Variants in ST6GALNAC3 observed in about 807,000 individuals in gnomAD.
The protein encoded by ST6GALNAC3 is alpha-N-acetylgalactosaminide alpha-2,6-sialyltransferase 3.
Under a neutral mutation model 32.7 loss-of-function variants are expected in ST6GALNAC3, and 25 were observed. That is an observed-to-expected ratio of 0.76 (90% CI 0.56 to 1.07). The LOEUF (loss-of-function observed/expected upper bound fraction) is 1.07, where lower values mean the gene tolerates loss of function less well. Ranked by LOEUF, ST6GALNAC3 falls within the 50% of genes least tolerant of loss-of-function variation. The probability of loss-of-function intolerance (pLI) is 0.00; values close to 1 mark genes in which losing one functional copy is unlikely to be tolerated. For synonymous variants in ST6GALNAC3, 129 were observed against 133.1 expected (o/e 0.97, Z 0.21); for missense variants, 355 against 382.4 (o/e 0.93, Z 0.60).
At chr1:76,572,147 C>A (rs576453920) in intron 3 of ST6GALNAC3, among the ~76,000 whole-genome samples, 1 of 151,792 alleles carries the variant, frequency 6.6e-6, no homozygotes, top group South Asian at 2.1e-4. Context: ...TATTTTATGT[C>A]CAGGCAAATG....
At chr1:76,142,823 C>CT (rs71071986) in intron 1 of ST6GALNAC3, 8,052 of 358,200 alleles carry the variant, frequency 0.022, 7 homozygotes, top group South Asian at 0.031. Context: ...GAATGCCTGC[C>CT]TTTTTTTTTT....
Position 76,386,685 on chromosome 1 carries a change from C to T in ST6GALNAC3, c.214-25323C>T, listed in dbSNP as rs1652121134. On this transcript the variant is annotated intron_variant, in intron 2 of 4. Coordinates refer to ENST00000328299, the MANE Select transcript of ST6GALNAC3 (RefSeq NM_152996.4). ...TGTGGGTGTTAGAGTTAAACCTAGACCCCAACATTCCCTAGAGCCAGCCTT... is the reference window on the plus strand; with the variant it reads ...TGTGGGTGTTAGAGTTAAACCTAGATCCCAACATTCCCTAGAGCCAGCCTT... Among the ~76,000 whole-genome samples, 3 of 152,210 alleles carry T rather than the reference C, an allele frequency of 2.0e-5. No homozygotes were observed. The South Asian group carries it at 6.2e-4, about 32-fold the overall frequency.
chr1:76,092,343 T>C (rs1283662953), intron 1 of ST6GALNAC3, among the ~76,000 whole-genome samples: 1 of 152,234 alleles, frequency 6.6e-6, no homozygotes, highest in Admixed American at 6.5e-5. Flanking sequence ...AAGGACTTTG[T>C]GGCTAATCCC....
chr1:76,231,856 G>A (rs914256616), intron 1 of ST6GALNAC3, among the ~76,000 whole-genome samples: 1 of 152,196 alleles, frequency 6.6e-6, no homozygotes, highest in Non-Finnish European at 1.5e-5. Context: ...GATATTCCCA[G>A]AAGTGGAATT....
At chr1:76,467,643 A>C (rs1658727090) in intron 3 of ST6GALNAC3, among the ~76,000 whole-genome samples, 1 of 152,026 alleles carries the variant, frequency 6.6e-6, no homozygotes, top group Non-Finnish European at 1.5e-5. Flanking sequence ...TTGTAAACTT[A>C]TCAATAGTGG....
intron 3 of ST6GALNAC3, among the ~76,000 whole-genome samples, chr1:76,448,514 G>C (rs1023763861): frequency 2.0e-5 from 3 of 152,160 alleles, no homozygotes; most frequent in African/African-American, 7.2e-5. Context: ...AAATGATGTG[G>C]TTTGGCTCTG....
chr1:76,629,182 T>C lies in ST6GALNAC3; in HGVS notation c.*376T>C. 4 of 1,015,820 alleles carry C rather than the reference T, an allele frequency of 3.9e-6. No homozygotes were observed. Among genetic ancestry groups the C allele is most frequent in the Non-Finnish European group, 4.7e-6 (4 of 851,040 alleles). 62.9% of individuals were successfully genotyped at this position (1,015,820 alleles called of 1,614,324 possible). ...CAGAAGCCAAAAGAGTTTGGCTTCA[T>C]GAGGCAAGGTGATTGACTCAATGGC... On this transcript the variant is annotated 3_prime_UTR_variant, in exon 5 of 5. Transcript: ENST00000328299.
chr1:76,140,361 G>T (rs1189589463), intron 1 of ST6GALNAC3, among the ~76,000 whole-genome samples: 3 of 152,126 alleles, frequency 2.0e-5, no homozygotes, highest in African/African-American at 7.2e-5. Flanking sequence ...TCTTTTGCCA[G>T]GTAAGGGGCA....
chr1:76,408,764 T>G (rs1654012939), intron 2 of ST6GALNAC3, among the ~76,000 whole-genome samples: 1 of 152,134 alleles, frequency 6.6e-6, no homozygotes, highest in Non-Finnish European at 1.5e-5. Flanking sequence ...ACTTTCTTTT[T>G]CTTCTTTTTG....
At chr1:76,202,112 C>T (rs1253899205) in intron 1 of ST6GALNAC3, among the ~76,000 whole-genome samples, 1 of 151,952 alleles carries the variant, frequency 6.6e-6, no homozygotes. Context: ...TGGCTACAAT[C>T]GGAAGGGTGG....
chr1:76,522,397 C>A (rs1662601524), intron 3 of ST6GALNAC3, among the ~76,000 whole-genome samples: 1 of 151,744 alleles, frequency 6.6e-6, no homozygotes, highest in South Asian at 2.1e-4. Context: ...CAATTATTTT[C>A]TCTCTTTCTG....
chr1:76,541,641 C>T (rs977794334), intron 3 of ST6GALNAC3, among the ~76,000 whole-genome samples: 1 of 152,190 alleles, frequency 6.6e-6, no homozygotes, highest in African/African-American at 2.4e-5. Context: ...ACTTATTGCA[C>T]CCCACTATTC....
At chr1:76,230,251 T>C (rs538205763) in intron 1 of ST6GALNAC3, among the ~76,000 whole-genome samples, 1 of 152,336 alleles carries the variant, frequency 6.6e-6, no homozygotes, top group East Asian at 1.9e-4. Context: ...ACCAATTGCC[T>C]AAGAACAGTT....
intron 1 of ST6GALNAC3, among the ~76,000 whole-genome samples, chr1:76,131,616 G>A (rs1649615771): frequency 6.6e-6 from 1 of 152,194 alleles, no homozygotes; most frequent in Admixed American, 6.5e-5. Flanking sequence ...CCAGCCTCTG[G>A]GGCACGGAGG....
chr1:76,351,088 T>G (rs1648938650), intron 2 of ST6GALNAC3, among the ~76,000 whole-genome samples: 1 of 152,178 alleles, frequency 6.6e-6, no homozygotes, highest in South Asian at 2.1e-4. Flanking sequence ...ATTAATTTAC[T>G]AGAATTTCTT....
At chr1:76,532,716 G>T (rs1479978064) in intron 3 of ST6GALNAC3, among the ~76,000 whole-genome samples, 2 of 152,128 alleles carry the variant, frequency 1.3e-5, no homozygotes, top group African/African-American at 4.8e-5. Context: ...GGTTAGTTCA[G>T]TTGTTTCTTT....
intron 1 of ST6GALNAC3, among the ~76,000 whole-genome samples, chr1:76,211,163 C>T (rs553550182): frequency 1.3e-5 from 2 of 152,332 alleles, no homozygotes; most frequent in East Asian, 3.9e-4. Flanking sequence ...GACATTTATG[C>T]AGCCAAAAGA....
At chr1:76,099,672 G>T (rs184108477) in intron 1 of ST6GALNAC3, among the ~76,000 whole-genome samples, 291 of 152,338 alleles carry the variant, frequency 1.9e-3, no homozygotes, top group African/African-American at 6.6e-3. Context: ...AGTCAGGGAT[G>T]AAGTGGGCAG....
At chr1:76,541,435 A>G (rs546703581) in intron 3 of ST6GALNAC3, among the ~76,000 whole-genome samples, 1 of 152,280 alleles carries the variant, frequency 6.6e-6, no homozygotes, top group African/African-American at 2.4e-5. Context: ...AAGTTTTCTC[A>G]AGCAGTGCTG....
Sources: allele counts gnomAD v4.1 joint callset (sites outside exome capture counted in the v4.1 genomes callset), GRCh38; gene constraint gnomAD v4.1.1; transcripts MANE v1.5; gene names NCBI Gene and HGNC (gene_info 2026-07-23, HGNC 2026-07-21).